The following CSMD1 variants were observed in gnomAD, a reference collection of about 807,000 sequenced individuals.
CSMD1 encodes the protein CUB and Sushi multiple domains 1.
A neutral mutation model predicts 417.5 loss-of-function variants in CSMD1; 213 were observed. The ratio of observed to expected loss-of-function variants is 0.51; its 90% CI spans 0.46 to 0.57. The LOEUF is 0.57. Ranked by LOEUF, CSMD1 falls within the 20% of genes least tolerant of loss-of-function variation. CSMD1 has a pLI of 0.00. For missense variants in CSMD1, 6,923 were observed against 4,529.7 expected (o/e 1.53, Z -15.17); for synonymous variants, 2,862 against 1,736.8 (o/e 1.65, Z -16.11).
intron 50 of CSMD1, among the ~76,000 whole-genome samples, chr8:3,045,498 A>G (rs7387065): frequency 0.32 from 49,303 of 151,976 alleles, 8,280 homozygotes; most frequent in Non-Finnish European, 0.36. Flanking sequence ...ACTGCAAGAG[A>G]CCCCTTATTC....
chr8:3,882,913 G>A (rs1239731348), intron 5 of CSMD1, among the ~76,000 whole-genome samples: 5 of 152,276 alleles, frequency 3.3e-5, no homozygotes, highest in African/African-American at 1.2e-4. Flanking sequence ...TCTTGTGGGA[G>A]TAATGTTCTG....
intron 25 of CSMD1, among the ~76,000 whole-genome samples, chr8:3,302,021 G>T (rs1398599096): frequency 6.6e-6 from 1 of 152,002 alleles, no homozygotes; most frequent in Non-Finnish European, 1.5e-5. Context: ...TATTTTCATT[G>T]TTTTAGGTGG....
At chr8:4,916,362 A>C (rs1400362021) in intron 1 of CSMD1, among the ~76,000 whole-genome samples, 1 of 152,210 alleles carries the variant, frequency 6.6e-6, no homozygotes, top group Non-Finnish European at 1.5e-5. Context: ...AAACCCTTTG[A>C]AAAAAGTATT....
intron 1 of CSMD1, among the ~76,000 whole-genome samples, chr8:4,985,402 G>A (rs1811125751): frequency 6.6e-6 from 1 of 152,054 alleles, no homozygotes; most frequent in Non-Finnish European, 1.5e-5. Context: ...TGGTGTAGGT[G>A]AATAGGAAGG....
intron 5 of CSMD1, among the ~76,000 whole-genome samples, chr8:3,828,349 ATC>A (rs1245035416): frequency 6.6e-6 from 1 of 152,204 alleles, no homozygotes; most frequent in Non-Finnish European, 1.5e-5. Context: ...ATAATTAAGA[ATC>A]TGTTAGGATT....
intron 3 of CSMD1, among the ~76,000 whole-genome samples, chr8:4,216,957 G>C (rs1800715123): frequency 6.6e-6 from 1 of 151,980 alleles, no homozygotes; most frequent in Non-Finnish European, 1.5e-5. Flanking sequence ...TTTTCAAAAT[G>C]GCTGTCCTAG....
intron 4 of CSMD1, among the ~76,000 whole-genome samples, chr8:4,015,334 C>A (rs775344306): frequency 1.3e-4 from 20 of 152,118 alleles, no homozygotes; most frequent in Non-Finnish European, 2.8e-4. Context: ...TTCCTTCTCC[C>A]CTCTGGCTAT....
At chr8:4,484,327 A>T (rs577928313) in intron 2 of CSMD1, among the ~76,000 whole-genome samples, 3 of 152,250 alleles carry the variant, frequency 2.0e-5, no homozygotes, top group East Asian at 3.9e-4. Context: ...ATCTGGATTT[A>T]AAAAATTTTA....
rs138018062 is a variant in CSMD1 at position 3,676,100 on chromosome 8, G to C, written c.1009+32314C>G. Among the ~76,000 whole-genome samples the C allele has an allele frequency of 3.3e-5, 5 of 152,324 alleles. No homozygotes were observed. In the East Asian group the frequency reaches 9.6e-4, roughly 29 times the overall value. On this transcript the variant is annotated intron_variant, in intron 7 of 69. Coordinates refer to ENST00000635120, the MANE Select transcript of CSMD1 (RefSeq NM_033225.6). ...ATCTCTTAATTAAATATATGCATGT[G>C]TGTTTATAAATGCTTGTTATAAGAT...
At chr8:4,051,704 T>C (rs962591997) in intron 3 of CSMD1, among the ~76,000 whole-genome samples, 4 of 151,956 alleles carry the variant, frequency 2.6e-5, no homozygotes, top group African/African-American at 9.7e-5. Context: ...TTTCCAAAAA[T>C]CAACAGAGAA....
intron 3 of CSMD1, among the ~76,000 whole-genome samples, chr8:4,328,030 C>T (rs1454421303): frequency 6.6e-6 from 1 of 152,082 alleles, no homozygotes; most frequent in Non-Finnish European, 1.5e-5. Context: ...AGGTACTTAG[C>T]GTCAGTTATT....
At chr8:4,493,037 G>A (rs189783213) in intron 2 of CSMD1, among the ~76,000 whole-genome samples, 9 of 152,042 alleles carry the variant, frequency 5.9e-5, no homozygotes, top group Non-Finnish European at 7.4e-5. Flanking sequence ...AAAGAAAAAA[G>A]ATCAATATTA....
At chr8:3,369,451 C>A (rs1585064190) in intron 18 of CSMD1, 81 bp from the exon 19 acceptor site, 2 of 688,900 alleles carry the variant, frequency 2.9e-6, no homozygotes, top group Non-Finnish European at 5.1e-6. Context: ...AAATGGCATG[C>A]AATTTGCACA....
chr8:3,024,149 A>ATGTGTG (rs977442211), intron 51 of CSMD1, among the ~76,000 whole-genome samples: 3 of 151,156 alleles, frequency 2.0e-5, no homozygotes, highest in African/African-American at 7.3e-5. Context: ...GTGTGTGTGT[A>ATGTGTG]TGTGTGTGCA....
intron 3 of CSMD1, among the ~76,000 whole-genome samples, chr8:4,058,988 A>C (rs11992326): frequency 0.9 from 136,318 of 151,474 alleles, 61,485 homozygotes; most frequent in Middle Eastern, 0.95. Context: ...ACACAACACA[A>C]ATTCTTTTCA....
At chr8:4,956,781 G>C (rs4458898) in intron 1 of CSMD1, among the ~76,000 whole-genome samples, 1 of 151,934 alleles carries the variant, frequency 6.6e-6, no homozygotes, top group Admixed American at 6.6e-5. Flanking sequence ...AACAGGACAA[G>C]TTCACCTTCC....
At chr8:4,081,036 G>C (rs1046807246) in intron 3 of CSMD1, among the ~76,000 whole-genome samples, 2 of 152,114 alleles carry the variant, frequency 1.3e-5, no homozygotes, top group African/African-American at 4.8e-5. Flanking sequence ...GTGCCATGGA[G>C]GGACACAAAG....
At chr8:3,946,599 C>A (rs936918319) in intron 5 of CSMD1, among the ~76,000 whole-genome samples, 1 of 152,106 alleles carries the variant, frequency 6.6e-6, no homozygotes, top group South Asian at 2.1e-4. Context: ...TCCTTTTGGG[C>A]TCTTGACTGG....
chr8:4,900,895 G>A (rs1391325412), intron 1 of CSMD1, among the ~76,000 whole-genome samples: 1 of 152,150 alleles, frequency 6.6e-6, no homozygotes, highest in East Asian at 1.9e-4. Context: ...GTAAGGGCAG[G>A]TGCACCACTA....
Sources: gnomAD v4.1 joint callset for allele counts (sites outside exome capture counted in the v4.1 genomes callset) on GRCh38, gnomAD v4.1.1 for gene constraint, MANE v1.5 for transcripts, NCBI Gene and HGNC (gene_info 2026-07-23, HGNC 2026-07-21) for gene names.